The following APOL5 variants were observed in gnomAD, a reference collection of about 807,000 sequenced individuals.
The protein encoded by APOL5 is apolipoprotein L5.
Under a neutral mutation model 35.5 loss-of-function variants are expected in APOL5, and 29 were observed. That is an observed-to-expected ratio of 0.82 (90% confidence interval 0.61 to 1.11). APOL5 has a LOEUF of 1.11. Among genes scored for constraint, APOL5 ranks in the 50% most tolerant of loss-of-function variants. The pLI is 0.00. For missense variants in APOL5, 514 were observed against 530.4 expected (o/e 0.97, Z 0.30); for synonymous variants, 188 against 200.2 (o/e 0.94, Z 0.51).
intron 1 of APOL5, among the ~76,000 whole-genome samples, chr22:35,720,128 T>C (rs996173294): frequency 1.3e-5 from 2 of 152,350 alleles, no homozygotes; most frequent in South Asian, 2.1e-4. Flanking sequence ...CAGAGTGGTC[T>C]TAGAAAATGC....
At position 35,720,571 on chromosome 22, in the gene APOL5, T is replaced by G. The variant is rs1569151570; in HGVS notation, c.59T>G (p.Leu20Trp). The change falls in exon 2 of 5, where the codon TTG (leucine) becomes TGG (tryptophan). Residue 20 changes from leucine to tryptophan, a missense_variant. Transcript: ENST00000249044. ...QVPGSKVLPG[L>W]GEGCKEMWLR... is the part of the protein sequence containing the mutation. ...CCTGATCCTTGTCCATCTCCAGGCT[T>G]GGGAGAAGGTTGTAAAGAAATGTGG... The G allele has an allele frequency of 1.2e-6, 2 of 1,614,034 alleles. No homozygotes were observed. The highest frequency in any genetic ancestry group is 2.2e-5 in the South Asian group (2 of 91,068).
chr22:35,728,771 T>C lies in APOL5; in HGVS notation c.1175T>C (p.Leu392Pro), dbSNP rs766183368. Residue 392 changes from leucine (L) to proline (P), a missense_variant, in exon 4 of 5, where the codon CTG (leucine) becomes CCG (proline). Around this residue, in one of 3 missense-constraint regions of APOL5, gnomAD observed 238 missense variants for 229.1 expected, o/e 1.04. Transcript: ENST00000249044. ...CCTGTTGTGGAGCACCAGCCTAGGC[T>C]GGGCCCTGGCGTGGCACTGAGGACA... Reference protein sequence around the residue: ...PWPVVEHQPRLGPGVALRTPK... With the variant: ...PWPVVEHQPRPGPGVALRTPK... The C allele has an allele frequency of 3.7e-6, 6 of 1,613,594 alleles. No homozygotes were observed. In the African/African-American group the frequency reaches 8.0e-5, roughly 22 times the overall value.
At chr22:35,719,372 C>T (rs1926877439) in intron 1 of APOL5, among the ~76,000 whole-genome samples, 2 of 152,190 alleles carry the variant, frequency 1.3e-5, no homozygotes, top group African/African-American at 2.4e-5. Flanking sequence ...AAACCAACCA[C>T]CATCCCGCCC....
chr22:35,711,200 C>A, the APOL5 span, among the ~76,000 whole-genome samples: 2 of 152,010 alleles, frequency 1.3e-5, no homozygotes, highest in Non-Finnish European at 2.9e-5. Flanking sequence ...AAAAAGCAAA[C>A]AAACAAAAAA....
upstream of APOL5, among the ~76,000 whole-genome samples, chr22:35,713,433 C>T (rs931288604): frequency 4.7e-4 from 71 of 152,264 alleles, 1 homozygote; most frequent in African/African-American, 1.6e-3. Flanking sequence ...CTGAGTTATT[C>T]CTCAACCCCT....
At chr22:35,728,214 T>A (rs1460145981) in intron 3 of APOL5, among the ~76,000 whole-genome samples, 4 of 152,116 alleles carry the variant, frequency 2.6e-5, no homozygotes, top group Non-Finnish European at 5.9e-5. Context: ...TTTTAGACCT[T>A]TTTTTTGTTT....
rs750913785 is a variant in APOL5 at position 35,717,916 on chromosome 22, G to T, written c.45G>T (p.Lys15Asn). The part of the protein sequence containing the change: ...KQGNLQVPGS[K>N]VLPGLGEGCK... ...GAAATTTGCAAGTTCCCGGTTCCAA[G>T]GTGTTACCTGGTAAGTTCTTTTAAG... The change falls in exon 1 of 5, where the codon AAG (lysine) becomes AAT (asparagine). Residue 15 changes from lysine (K) to asparagine (N), a missense_variant. By Grantham distance (94) the Lys-to-Asn change is moderately conservative. Coordinates refer to ENST00000249044, the MANE Select transcript of APOL5 (RefSeq NM_030642.1). 4.4e-6 allele frequency: 7 copies of T among 1,589,290 alleles called. No homozygotes were observed. In the Admixed American group the frequency reaches 5.2e-5, roughly 12 times the overall value.
chr22:35,719,484 T>C (rs1363970233), intron 1 of APOL5, among the ~76,000 whole-genome samples: 2 of 152,186 alleles, frequency 1.3e-5, no homozygotes, highest in Non-Finnish European at 2.9e-5. Context: ...GTTCACTTGC[T>C]CCCAAGTTAA....
At chr22:35,720,719 C>A in intron 2 of APOL5, 65 bp downstream of exon 2, 1 of 1,167,034 alleles carries the variant, frequency 8.6e-7, no homozygotes, top group Non-Finnish European at 1.3e-6. Context: ...CAGTGTCTGT[C>A]ACAGACCCAG....
upstream of APOL5, chr22:35,717,745 AAAAAAAAAG>A (rs1308541064): frequency 8.8e-6 from 3 of 339,210 alleles, no homozygotes; most frequent in Non-Finnish European, 1.3e-5. Context: ...TCGCAAAAAA[AAAAAAAAAG>A]AAAGAAAAGA....
chr22:35,724,271 A>T (rs1349860118), intron 2 of APOL5, among the ~76,000 whole-genome samples: 2 of 148,834 alleles, frequency 1.3e-5, no homozygotes, highest in Non-Finnish European at 3.0e-5. Context: ...TGGGCAATAT[A>T]GTGAAGCCCT....
At chr22:35,718,006 AC>A in intron 1 of APOL5, 80 bp downstream of exon 1, 1 of 1,199,456 alleles carries the variant, frequency 8.3e-7, no homozygotes, top group Non-Finnish European at 1.1e-6. Flanking sequence ...AATACGTTAC[AC>A]TATTTTTTAT....
At chr22:35,713,790 C>T (rs564170712), upstream of APOL5, among the ~76,000 whole-genome samples, 24 of 152,296 alleles carry the variant, frequency 1.6e-4, no homozygotes, top group Middle Eastern at 3.4e-3. Flanking sequence ...ACTGTCCCCA[C>T]CTACAACGGG....
At chr22:35,717,235 A>AAAAAAAAAATATATAT, upstream of APOL5, among the ~76,000 whole-genome samples, 1 of 57,662 alleles carries the variant, frequency 1.7e-5, no homozygotes, top group African/African-American at 8.0e-5. Context: ...AAAAAAAAAA[A>AAAAAAAAAATATATAT]ATATATATAT....
the APOL5 span, among the ~76,000 whole-genome samples, chr22:35,711,548 C>T: frequency 3.3e-5 from 5 of 149,608 alleles, no homozygotes; most frequent in Non-Finnish European, 5.9e-5. Flanking sequence ...CCACTCCCAC[C>T]GGCAATTCAC....
upstream of APOL5, among the ~76,000 whole-genome samples, chr22:35,716,720 C>G (rs1020421169): frequency 6.6e-6 from 1 of 151,320 alleles, no homozygotes; most frequent in African/African-American, 2.4e-5. Context: ...CGAGAATATT[C>G]CCCTACTCCT....
At position 35,717,906 on chromosome 22, in the gene APOL5, C is replaced by T; in HGVS notation, c.35C>T (p.Pro12Leu). The change falls in exon 1 of 5, where the codon CCC becomes CTC. Residue 12 changes from proline to leucine, a missense_variant. Pro to Leu is a moderately conservative substitution (Grantham distance 98). Coordinates refer to ENST00000249044, the MANE Select transcript of APOL5 (RefSeq NM_030642.1). ...PCGKQGNLQV[P>L]GSKVLPGLGE... Reference sequence around the variant, plus strand: ...GGCAAACAAGGAAATTTGCAAGTTCCCGGTTCCAAGGTGTTACCTGGTAAG... The same window carrying T: ...GGCAAACAAGGAAATTTGCAAGTTCTCGGTTCCAAGGTGTTACCTGGTAAG... The T allele has an allele frequency of 6.3e-7, 1 of 1,590,544 alleles. No homozygotes were observed. The highest frequency in any genetic ancestry group is 8.6e-7 in the Non-Finnish European group (1 of 1,168,498).
At chr22:35,709,103 A>G in the APOL5 span, among the ~76,000 whole-genome samples, 2 of 152,182 alleles carry the variant, frequency 1.3e-5, no homozygotes, top group South Asian at 4.1e-4. Flanking sequence ...GGTGGTTACC[A>G]TGGGTGGTGG....
chr22:35,724,800 G>A (rs1395638513), intron 2 of APOL5, among the ~76,000 whole-genome samples: 1 of 151,936 alleles, frequency 6.6e-6, no homozygotes, highest in East Asian at 1.9e-4. Context: ...TAGTAGAGAC[G>A]GGATTTCACC....
Sources: allele counts gnomAD v4.1 joint callset (sites outside exome capture counted in the v4.1 genomes callset), GRCh38; gene constraint gnomAD v4.1.1; regional missense constraint gnomAD v4.1.1; transcripts MANE v1.5; gene names NCBI Gene and HGNC (gene_info 2026-07-23, HGNC 2026-07-21).